Variants in POLQ observed in about 807,000 individuals in gnomAD.
The protein encoded by POLQ is epididymis secretory sperm binding protein.
POLQ carries 233 observed loss-of-function variants against 259.2 expected under a neutral mutation model. The ratio of observed to expected loss-of-function variants is 0.90; its 90% CI spans 0.81 to 1.00. The LOEUF is 1.00. POLQ is among the 50% of genes least tolerant of loss of function. The pLI is 0.00. For synonymous variants in POLQ, 1,025 were observed against 1,048.8 expected, an observed-to-expected ratio of 0.98 and a Z score of 0.44; for missense variants, 2,871 against 3,051.6, an observed-to-expected ratio of 0.94 and a Z score of 1.39.
intron 26 of POLQ, among the ~76,000 whole-genome samples, chr3:121,444,545 G>A (rs1260825155): frequency 6.6e-6 from 1 of 152,136 alleles, no homozygotes; most frequent in East Asian, 1.9e-4. Flanking sequence ...TACAAACAAG[G>A]AGAATTTGAC....
chr3:121,513,600 CAAAAAAAAAAAAAAAAA>C (rs59962408), intron 9 of POLQ, among the ~76,000 whole-genome samples: 1 of 51,542 alleles, frequency 1.9e-5, no homozygotes, highest in African/African-American at 8.6e-5. Flanking sequence ...GACTCTATCT[CAAAAAAAAAAAAAAAAA>C]AAAAAAAAAA....
rs1192939047 is a variant in POLQ at position 121,541,481 on chromosome 3, T to C, written c.344-2A>G. On this transcript the variant is annotated splice_acceptor_variant, in intron 2 of 29. Coordinates refer to ENST00000264233, the MANE Select transcript of POLQ (RefSeq NM_199420.4). LOFTEE classifies it high-confidence loss of function. ...GAGTCTTCCCAGCACTTGTAGGAGC[T>C]AAAACATGATTATTCCACAAGATTA... is the stretch of plus-strand genomic sequence containing the variant. 3.2e-6 allele frequency: 5 copies of C among 1,586,730 alleles called. No individual in the cohort carries two copies. Among genetic ancestry groups the C allele is most frequent in the Non-Finnish European group, 4.3e-6 (5 of 1,170,410 alleles).
chr3:121,542,418 A>G (rs2048497188), intron 2 of POLQ, among the ~76,000 whole-genome samples: 1 of 152,116 alleles, frequency 6.6e-6, no homozygotes, highest in African/African-American at 2.4e-5. Context: ...GGAAGAGGAA[A>G]GGAATGCCAT....
At chr3:121,493,266 C>T (rs2048085660) in intron 15 of POLQ, among the ~76,000 whole-genome samples, 1 of 151,428 alleles carries the variant, frequency 6.6e-6, no homozygotes, top group Non-Finnish European at 1.5e-5. Context: ...CGCACCATTG[C>T]ACTCCAGCCT....
chr3:121,446,200 C>A (rs1012838547), intron 26 of POLQ, among the ~76,000 whole-genome samples: 3 of 152,180 alleles, frequency 2.0e-5, no homozygotes, highest in Middle Eastern at 3.4e-3. Context: ...AATTGACTCA[C>A]TGGTCACTCA....
chr3:121,491,336 G>A (rs553487694), intron 15 of POLQ, among the ~76,000 whole-genome samples: 15 of 115,302 alleles, frequency 1.3e-4, no homozygotes, highest in East Asian at 4.8e-4. Flanking sequence ...GCGACAGAGC[G>A]AGACTGTCAC....
chr3:121,476,481 C>T (rs902001355), intron 20 of POLQ, 59 bp downstream of exon 20: 7 of 1,242,270 alleles, frequency 5.6e-6, no homozygotes, highest in Non-Finnish European at 6.9e-6. Context: ...CACACACACA[C>T]ACACAATCAT....
At chr3:121,543,025 A>T (rs749341825) in intron 2 of POLQ, among the ~76,000 whole-genome samples, 3 of 152,120 alleles carry the variant, frequency 2.0e-5, no homozygotes, top group Non-Finnish European at 4.4e-5. Flanking sequence ...GCAGGGCAAG[A>T]TCAGAGGAAA....
chr3:121,455,249 T>G lies in POLQ; in HGVS notation c.7152+4801A>C, dbSNP rs560506349. The stretch of plus-strand genomic sequence containing the variant: ...TTCAAAGCAGTGTGTAGAGGGAAAT[T>G]TATAGCACTAAATGCCCACAAGAGA... On this transcript the variant is annotated intron_variant, in intron 25 of 29. Coordinates refer to ENST00000264233, the MANE Select transcript of POLQ (RefSeq NM_199420.4). Among the ~76,000 whole-genome samples the G allele has an allele frequency of 4.0e-3, 564 of 142,760 alleles. 4 individuals are homozygous for G. The highest frequency in any genetic ancestry group is 0.014 in the African/African-American group (539 of 38,014). 93.7% of individuals were successfully genotyped at this position (142,760 alleles called of 152,430 possible). A position where few individuals can be genotyped will look rare whatever the true frequency, so the allele number is the denominator to read the frequency against.
intron 28 of POLQ, among the ~76,000 whole-genome samples, chr3:121,435,373 T>C (rs959649584): frequency 1.3e-5 from 2 of 152,130 alleles, no homozygotes; most frequent in African/African-American, 4.8e-5. Flanking sequence ...CAAAGGAACA[T>C]ATGTGATAAA....
Position 121,488,561 on chromosome 3 carries a change from G to A in POLQ, c.4370C>T (p.Pro1457Leu). 1 of 1,611,642 alleles carries A rather than the reference G, an allele frequency of 6.2e-7. No individual in the cohort carries two copies. Among genetic ancestry groups the A allele is most frequent in the Non-Finnish European group, 8.5e-7 (1 of 1,179,300 alleles). Residue 1457 changes from proline (P) to leucine (L), a missense_variant, in exon 16 of 30, where the codon CCA (proline) becomes CTA (leucine). This residue lies in a region of POLQ where 2,080 missense variants were observed against 2,126.0 expected (regional missense o/e 0.98). Coordinates refer to ENST00000264233, the MANE Select transcript of POLQ (RefSeq NM_199420.4). ...CTTTTGAGGAATCAGAAGTATAACT[G>A]GTTTCACAGTTTCTTGTGTTTGATA... ...QGYQTQETVK[P>L]VILLIPQKRT...
intron 26 of POLQ, among the ~76,000 whole-genome samples, chr3:121,441,030 C>A (rs887335999): frequency 9.9e-5 from 15 of 152,128 alleles, no homozygotes; most frequent in Admixed American, 5.9e-4. Context: ...ATGTCTTAAG[C>A]ATCTCCAGGA....
intron 18 of POLQ, among the ~76,000 whole-genome samples, chr3:121,482,205 A>G (rs2047976690): frequency 6.6e-6 from 1 of 152,160 alleles, no homozygotes; most frequent in Admixed American, 6.5e-5. Context: ...TTTTAGGTAT[A>G]TTTAGTTCTT....
intron 13 of POLQ, 95 bp downstream of exon 13, chr3:121,498,382 T>G: frequency 1.2e-6 from 1 of 804,418 alleles, no homozygotes; most frequent in Non-Finnish European, 1.9e-6. Context: ...AATTTTGATT[T>G]TATTGACAAT....
In POLQ at chr3:121,496,871, G is replaced by A. The variant is rs927356739; in HGVS notation, c.2215C>T (p.Gln739Ter). The A allele has an allele frequency of 6.2e-7, 1 of 1,613,472 alleles. No individual in the cohort carries two copies. Among genetic ancestry groups the A allele is most frequent in the Admixed American group, 1.7e-5 (1 of 59,922 alleles). Residue 739 changes from glutamine to a stop codon, truncating the protein, a stop_gained, in exon 14 of 30, where the codon CAG (glutamine) becomes TAG (stop). Transcript: ENST00000264233. LOFTEE classifies it high-confidence loss of function. Reference sequence around the variant, plus strand: ...TGCCCACGATTGCATCCATATTTCTGATTTATTTCCCTTAAGGGAACTTCA... The same window carrying A: ...TGCCCACGATTGCATCCATATTTCTAATTTATTTCCCTTAAGGGAACTTCA... ...ISEVPLREIN[Q>*]KYGCNRGQIQ...
Position 121,533,162 on chromosome 3 carries a change from C to A in POLQ, c.788G>T (p.Gly263Val), listed in dbSNP as rs1179264072. The change falls in exon 6 of 30, where the codon GGC (glycine) becomes GTC (valine). Residue 263 changes from glycine to valine, a missense_variant. Transcript: ENST00000264233. The part of the protein sequence containing the change: ...SSLSNAVQIV[G>V]MSATLPNLEL... Reference sequence around the variant, plus strand: ...CAAATTAGGAAGGGTAGCACTCATGCCAACGATTTGCACAGCATTAGACAG... The same window carrying A: ...CAAATTAGGAAGGGTAGCACTCATGACAACGATTTGCACAGCATTAGACAG... 2 of 1,613,756 alleles carry A rather than the reference C, an allele frequency of 1.2e-6. No individual in the cohort carries two copies. Among genetic ancestry groups the A allele is most frequent in the Non-Finnish European group, 1.7e-6 (2 of 1,179,810 alleles).
chr3:121,439,228 C>CT (rs5852268), intron 27 of POLQ, among the ~76,000 whole-genome samples: 251 of 143,084 alleles, frequency 1.8e-3, no homozygotes, highest in Non-Finnish European at 2.3e-3. Context: ...GAGATAGTGC[C>CT]TTTTTTTTTT....
intron 22 of POLQ, 23 bp downstream of exon 22, chr3:121,471,967 T>A: frequency 7.6e-7 from 1 of 1,320,910 alleles, no homozygotes; most frequent in Non-Finnish European, 1.0e-6. Flanking sequence ...TGGATATTGT[T>A]TATACTTAAG....
intron 12 of POLQ, among the ~76,000 whole-genome samples, chr3:121,505,249 C>A (rs1346367282): frequency 6.6e-6 from 1 of 152,182 alleles, no homozygotes; most frequent in Non-Finnish European, 1.5e-5. Context: ...GAGGCCTCCC[C>A]AGAAGCAGAA....
Sources: allele counts gnomAD v4.1 joint callset (sites outside exome capture counted in the v4.1 genomes callset), GRCh38; gene constraint gnomAD v4.1.1; regional missense constraint gnomAD v4.1.1; transcripts MANE v1.5; gene names NCBI Gene and HGNC (gene_info 2026-07-23, HGNC 2026-07-21).